The following SH3GL2 variants were observed in gnomAD, a reference collection of about 807,000 sequenced individuals.
SH3GL2 encodes the protein endophilin-A1.
SH3GL2 carries 24 observed loss-of-function variants against 46.0 expected under a neutral mutation model. The observed-to-expected ratio is 0.52, with a 90% CI of 0.38 to 0.73. SH3GL2 has a LOEUF of 0.73. Ranked by LOEUF, SH3GL2 falls within the 30% of genes least tolerant of loss-of-function variation. The pLI is 0.00. For synonymous variants in SH3GL2, 196 were observed against 147.1 expected (o/e 1.33, Z -2.40); for missense variants, 413 against 424.2 (o/e 0.97, Z 0.23).
intron 1 of SH3GL2, among the ~76,000 whole-genome samples, chr9:17,726,521 C>G (rs1210856116): frequency 6.6e-6 from 1 of 151,948 alleles, no homozygotes. Context: ...CTCTGCTGAC[C>G]CAGCATAATC....
Position 17,761,451 on chromosome 9 carries a change from C to T in SH3GL2, c.129C>T (p.Thr43=), listed in dbSNP as rs776791275. 3.1e-6 allele frequency: 5 copies of T among 1,605,440 alleles called. No homozygotes were observed. Among genetic ancestry groups the T allele is most frequent in the Non-Finnish European group, 4.3e-6 (5 of 1,172,074 alleles). The change falls in exon 3 of 9, where the codon ACC becomes ACT. Residue 43 remains threonine, a synonymous_variant. Transcript: ENST00000380607. ...TCTCATTTCAGAAAGTGGATGTCAC[C>T]AGCAGGGCTGTGATGGAAATAATGA... is the stretch of plus-strand genomic sequence containing the variant. ...FKEMERKVDV[T]SRAVMEIMTK...
At chr9:17,668,394 TCTTGG>T (rs1432981703) in intron 1 of SH3GL2, among the ~76,000 whole-genome samples, 1 of 152,218 alleles carries the variant, frequency 6.6e-6, no homozygotes, top group Non-Finnish European at 1.5e-5. Flanking sequence ...CATTCAATAT[TCTTGG>T]CATCCTTGTC....
At chr9:17,653,568 G>T (rs1165331301) in intron 1 of SH3GL2, among the ~76,000 whole-genome samples, 1 of 152,054 alleles carries the variant, frequency 6.6e-6, no homozygotes, top group African/African-American at 2.4e-5. Context: ...TAATTCCTCT[G>T]GAGTTATTAC....
chr9:17,724,686 C>G (rs1181831994), intron 1 of SH3GL2, among the ~76,000 whole-genome samples: 1 of 152,162 alleles, frequency 6.6e-6, no homozygotes, highest in Non-Finnish European at 1.5e-5. Flanking sequence ...TCCTCTCCCT[C>G]TTCTAGGGAA....
intron 1 of SH3GL2, among the ~76,000 whole-genome samples, chr9:17,702,788 A>C (rs1430776880): frequency 6.6e-6 from 1 of 152,106 alleles, no homozygotes; most frequent in African/African-American, 2.4e-5. Flanking sequence ...TAAAAGGCAC[A>C]ATCTGTGATT....
At chr9:17,586,591 G>A (rs1405373235) in intron 1 of SH3GL2, among the ~76,000 whole-genome samples, 2 of 152,114 alleles carry the variant, frequency 1.3e-5, no homozygotes, top group Admixed American at 1.3e-4. Context: ...TGGCTAGGGA[G>A]GGCTCAGGAA....
In SH3GL2 at chr9:17,604,839, C is replaced by T. The variant is rs148562776; in HGVS notation, c.45+25552C>T. Among the ~76,000 whole-genome samples the T allele has an allele frequency of 1.5e-3, 230 of 152,214 alleles. 2 individuals are homozygous for T. Among genetic ancestry groups the T allele is most frequent in the African/African-American group, 4.4e-3 (182 of 41,526 alleles). On this transcript the variant is annotated intron_variant, in intron 1 of 8. Transcript: ENST00000380607. ...GGGTGGAGGTGTGTTCTTCTAGGCC[C>T]GCTTTCTAGGGCCTCCTGAGAAAGG... is the stretch of plus-strand genomic sequence containing the variant.
chr9:17,767,998 C>T lies in SH3GL2; in HGVS notation c.187+6489C>T, dbSNP rs575084986. On this transcript the variant is annotated intron_variant, in intron 3 of 8. Coordinates refer to ENST00000380607, the MANE Select transcript of SH3GL2 (RefSeq NM_003026.5). ...CTGTAAGTGATTTAGACTTTTAAGT[C>T]AGCTAGAACTGGTGGAATAATGATA... Among the ~76,000 whole-genome samples the T allele has an allele frequency of 1.2e-4, 18 of 152,250 alleles. No individual in the cohort carries two copies. In the South Asian group the frequency reaches 3.5e-3, roughly 30 times the overall value.
At chr9:17,739,546 A>G (rs1822464462) in intron 1 of SH3GL2, among the ~76,000 whole-genome samples, 1 of 152,106 alleles carries the variant, frequency 6.6e-6, no homozygotes, top group South Asian at 2.1e-4. Flanking sequence ...TGCTTGCTGA[A>G]CTGCCCTCTT....
At chr9:17,787,830 A>T (rs141919085) in intron 5 of SH3GL2, among the ~76,000 whole-genome samples, 1 of 152,126 alleles carries the variant, frequency 6.6e-6, no homozygotes, top group Non-Finnish European at 1.5e-5. Context: ...TAATTATTCT[A>T]TGGTTTGCTG....
At chr9:17,684,934 T>C (rs1820865726) in intron 1 of SH3GL2, among the ~76,000 whole-genome samples, 1 of 152,172 alleles carries the variant, frequency 6.6e-6, no homozygotes, top group Non-Finnish European at 1.5e-5. Flanking sequence ...GGCTCTGGTC[T>C]CAACCACATT....
intron 2 of SH3GL2, among the ~76,000 whole-genome samples, chr9:17,759,404 A>G (rs1823104392): frequency 6.6e-6 from 1 of 152,216 alleles, no homozygotes; most frequent in African/African-American, 2.4e-5. Flanking sequence ...GGAACAAAGC[A>G]TATTCCAGCT....
intron 1 of SH3GL2, among the ~76,000 whole-genome samples, chr9:17,611,899 A>C (rs775878071): frequency 6.6e-6 from 1 of 152,186 alleles, no homozygotes; most frequent in Non-Finnish European, 1.5e-5. Flanking sequence ...GCCTATCTCA[A>C]CACTCTTTCC....
At chr9:17,743,856 C>G (rs1822603468) in intron 1 of SH3GL2, among the ~76,000 whole-genome samples, 1 of 152,158 alleles carries the variant, frequency 6.6e-6, no homozygotes, top group Non-Finnish European at 1.5e-5. Context: ...TAGAGTTGGT[C>G]AAAATGTGAT....
intron 1 of SH3GL2, among the ~76,000 whole-genome samples, chr9:17,656,394 AT>A (rs145735950): frequency 7.3e-4 from 110 of 149,984 alleles, no homozygotes; most frequent in African/African-American, 2.4e-3. Flanking sequence ...TTGAAAATTG[AT>A]TTTTTTTTTA....
intron 1 of SH3GL2, among the ~76,000 whole-genome samples, chr9:17,677,191 G>C (rs1820634267): frequency 6.6e-6 from 1 of 152,100 alleles, no homozygotes; most frequent in Non-Finnish European, 1.5e-5. Context: ...TTCCTGAAAA[G>C]ATACAGCTGT....
At chr9:17,693,226 T>G (rs571582333) in intron 1 of SH3GL2, among the ~76,000 whole-genome samples, 23 of 152,328 alleles carry the variant, frequency 1.5e-4, no homozygotes, top group African/African-American at 5.3e-4. Flanking sequence ...GAAAACGTTA[T>G]GTTTGGACAC....
intron 1 of SH3GL2, among the ~76,000 whole-genome samples, chr9:17,680,968 A>G (rs1426391854): frequency 6.6e-6 from 1 of 152,038 alleles, no homozygotes; most frequent in Non-Finnish European, 1.5e-5. Context: ...CCTGAGTTCT[A>G]GTTTGATTTT....
chr9:17,754,311 G>GCATGGAA (rs2131141081), intron 2 of SH3GL2, among the ~76,000 whole-genome samples: 1 of 152,272 alleles, frequency 6.6e-6, no homozygotes, highest in Admixed American at 6.5e-5. Context: ...CTATCCATGA[G>GCATGGAA]CATGGAACGT....
Sources: gnomAD v4.1 joint callset for allele counts (sites outside exome capture counted in the v4.1 genomes callset) on GRCh38, gnomAD v4.1.1 for gene constraint, MANE v1.5 for transcripts, NCBI Gene and HGNC (gene_info 2026-07-23, HGNC 2026-07-21) for gene names.